Variants in AFG2A observed in about 807,000 individuals in gnomAD.
The protein encoded by AFG2A is ATPase family gene 2 protein homolog A.
chr4:123,007,642 A>AAC, the AFG2A span, among the ~76,000 whole-genome samples: 1,547 of 25,456 alleles, frequency 0.061, 55 homozygotes, highest in African/African-American at 0.13. Flanking sequence ...ACACACACAC[A>AAC]ACACACACAC....
the AFG2A span, among the ~76,000 whole-genome samples, chr4:123,034,271 AC>A: frequency 1.5e-4 from 23 of 151,988 alleles, no homozygotes; most frequent in African/African-American, 5.6e-4. Context: ...TGGTCCTGGA[AC>A]CAGTTCCCGT....
At chr4:122,932,005 G>A in the AFG2A span, among the ~76,000 whole-genome samples, 8 of 152,108 alleles carry the variant, frequency 5.3e-5, no homozygotes, top group African/African-American at 9.7e-5. Flanking sequence ...AGTGGCTCAC[G>A]CCTGTAATCC....
the AFG2A span, among the ~76,000 whole-genome samples, chr4:123,118,353 T>TTA: frequency 0.73 from 94,728 of 129,670 alleles, 37,950 homozygotes; most frequent in East Asian, 0.94. Context: ...ATTATATATA[T>TTA]TATATATATA....
chr4:123,043,002 T>C, the AFG2A span, among the ~76,000 whole-genome samples: 1 of 152,194 alleles, frequency 6.6e-6, no homozygotes, highest in African/African-American at 2.4e-5. Flanking sequence ...TAGATCTAGG[T>C]TTCCATTTGA....
At chr4:123,295,835 C>T in the AFG2A span, among the ~76,000 whole-genome samples, 2 of 152,066 alleles carry the variant, frequency 1.3e-5, no homozygotes, top group African/African-American at 4.8e-5. Flanking sequence ...CGGCTTGAGC[C>T]CAAGAGATCA....
At chr4:123,119,083 C>A in the AFG2A span, among the ~76,000 whole-genome samples, 3 of 152,084 alleles carry the variant, frequency 2.0e-5, no homozygotes, top group Non-Finnish European at 4.4e-5. Flanking sequence ...ACCAAATTAA[C>A]AGTTGAGAGT....
At chr4:123,197,641 G>A in the AFG2A span, among the ~76,000 whole-genome samples, 9 of 152,136 alleles carry the variant, frequency 5.9e-5, no homozygotes, top group African/African-American at 1.7e-4. Flanking sequence ...CAGTGGCGGC[G>A]CCTGTAATCC....
chr4:123,187,813 T>C, the AFG2A span, among the ~76,000 whole-genome samples: 5 of 151,946 alleles, frequency 3.3e-5, no homozygotes, highest in Non-Finnish European at 7.4e-5. Context: ...CTGGGCAACA[T>C]GGCAAAACCC....
chr4:123,235,618 G>A, the AFG2A span, among the ~76,000 whole-genome samples: 1 of 152,198 alleles, frequency 6.6e-6, no homozygotes, highest in Non-Finnish European at 1.5e-5. Context: ...TTCTGACTAT[G>A]TCAACTACTT....
chr4:123,143,792 A>G, the AFG2A span, among the ~76,000 whole-genome samples: 2 of 151,430 alleles, frequency 1.3e-5, no homozygotes, highest in Non-Finnish European at 3.0e-5. Flanking sequence ...CTGAACCCAA[A>G]GCTTGACTTC....
At chr4:123,130,869 C>T in the AFG2A span, among the ~76,000 whole-genome samples, 8 of 152,110 alleles carry the variant, frequency 5.3e-5, no homozygotes, top group Non-Finnish European at 8.8e-5. Flanking sequence ...TATATTCCCA[C>T]CAACAATATA....
the AFG2A span, among the ~76,000 whole-genome samples, chr4:122,959,905 A>G: frequency 6.6e-6 from 1 of 152,204 alleles, no homozygotes; most frequent in African/African-American, 2.4e-5. Flanking sequence ...GAAGCACTAC[A>G]ATAGGAAGTG....
At chr4:123,097,787 G>C in the AFG2A span, among the ~76,000 whole-genome samples, 1 of 152,140 alleles carries the variant, frequency 6.6e-6, no homozygotes, top group Non-Finnish European at 1.5e-5. Context: ...ACTTCATTTC[G>C]ATGTTCATAA....
the AFG2A span, among the ~76,000 whole-genome samples, chr4:123,203,496 T>C: frequency 2.0e-5 from 3 of 152,306 alleles, no homozygotes; most frequent in Non-Finnish European, 4.4e-5. Context: ...CAGGCTGGTC[T>C]TGAACTCCTG....
the AFG2A span, among the ~76,000 whole-genome samples, chr4:123,173,531 G>T: frequency 0.6 from 91,488 of 151,262 alleles, 28,751 homozygotes; most frequent in Non-Finnish European, 0.68. Flanking sequence ...AATTTTTGTA[G>T]TTTTAGTAGA....
At chr4:123,160,733 A>G in the AFG2A span, among the ~76,000 whole-genome samples, 1 of 152,158 alleles carries the variant, frequency 6.6e-6, no homozygotes, top group South Asian at 2.1e-4. Context: ...AAATACAAGT[A>G]GTATCCCCTT....
chr4:123,286,255 T>TA, the AFG2A span, among the ~76,000 whole-genome samples: 8 of 151,948 alleles, frequency 5.3e-5, no homozygotes, highest in African/African-American at 1.4e-4. Context: ...ATTATCACAC[T>TA]AAAAAAAATC....
At chr4:123,106,429 C>T in the AFG2A span, among the ~76,000 whole-genome samples, 1 of 151,826 alleles carries the variant, frequency 6.6e-6, no homozygotes, top group Non-Finnish European at 1.5e-5. Flanking sequence ...GGAGGTATGC[C>T]TGTATTTGTC....
the AFG2A span, among the ~76,000 whole-genome samples, chr4:123,171,358 T>C: frequency 1.3e-5 from 2 of 152,126 alleles, no homozygotes; most frequent in South Asian, 2.1e-4. Flanking sequence ...TTCTATGTAA[T>C]GGCCAACTAA....
Sources: allele counts gnomAD v4.1 joint callset (sites outside exome capture counted in the v4.1 genomes callset), GRCh38; gene constraint gnomAD v4.1.1; transcripts MANE v1.5; gene names NCBI Gene and HGNC (gene_info 2026-07-23, HGNC 2026-07-21).